The following SKAP2 variants were observed in gnomAD, a reference collection of about 807,000 sequenced individuals.
SKAP2 encodes src kinase-associated phosphoprotein 2.
A neutral mutation model predicts 54.9 loss-of-function variants in SKAP2; 28 were observed. The ratio of observed to expected loss-of-function variants is 0.51; its 90% CI spans 0.38 to 0.70. SKAP2 has a LOEUF of 0.70. Among genes scored for constraint, SKAP2 ranks in the 30% least tolerant of loss-of-function variants. The pLI, the probability that SKAP2 is intolerant of heterozygous loss-of-function variation, is 0.00. For missense variants in SKAP2, 356 were observed against 424.1 expected (o/e 0.84, Z 1.41); for synonymous variants, 137 against 134.3 (o/e 1.02, Z -0.14).
chr7:26,859,541 T>C (rs1785238944), intron 1 of SKAP2, among the ~76,000 whole-genome samples: 1 of 152,186 alleles, frequency 6.6e-6, no homozygotes, highest in Non-Finnish European at 1.5e-5. Flanking sequence ...GCTCTCATGG[T>C]ACAATGGGTA....
chr7:26,723,900 T>A (rs1787637489), intron 9 of SKAP2, among the ~76,000 whole-genome samples: 1 of 152,176 alleles, frequency 6.6e-6, no homozygotes, highest in Non-Finnish European at 1.5e-5. Context: ...TAAACATTTT[T>A]AAATACTAAA....
chr7:26,717,663 T>TA (rs879449927), intron 9 of SKAP2, among the ~76,000 whole-genome samples: 79 of 140,758 alleles, frequency 5.6e-4, no homozygotes, highest in Admixed American at 2.1e-3. Context: ...CTGTCTCTAC[T>TA]AAAAAAAAAA....
At chr7:26,759,164 C>G (rs1477307486) in intron 4 of SKAP2, among the ~76,000 whole-genome samples, 1 of 152,100 alleles carries the variant, frequency 6.6e-6, no homozygotes, top group Non-Finnish European at 1.5e-5. Flanking sequence ...ATACTATAAA[C>G]TTCTAAAATC....
chr7:26,792,410 A>G (rs1783689567), intron 4 of SKAP2, among the ~76,000 whole-genome samples: 1 of 152,202 alleles, frequency 6.6e-6, no homozygotes, highest in Non-Finnish European at 1.5e-5. Context: ...TCTTGAGTAA[A>G]AGAAGTTGAC....
At chr7:26,852,180 G>C (rs1190268337) in intron 3 of SKAP2, among the ~76,000 whole-genome samples, 1 of 152,050 alleles carries the variant, frequency 6.6e-6, no homozygotes, top group Non-Finnish European at 1.5e-5. Context: ...GAAAATGTAA[G>C]GTGGAGAAAA....
chr7:26,794,602 T>C (rs1783733365), intron 4 of SKAP2, among the ~76,000 whole-genome samples: 1 of 152,242 alleles, frequency 6.6e-6, no homozygotes, highest in South Asian at 2.1e-4. Context: ...CCACCATCAC[T>C]GGGCCATGCA....
At chr7:26,728,445 A>C (rs1473533778) in intron 6 of SKAP2, among the ~76,000 whole-genome samples, 1 of 152,170 alleles carries the variant, frequency 6.6e-6, no homozygotes, top group Non-Finnish European at 1.5e-5. Context: ...ATCATTTTTC[A>C]CAGAATATTT....
intron 3 of SKAP2, among the ~76,000 whole-genome samples, chr7:26,847,281 T>C (rs775466677): frequency 6.6e-6 from 1 of 152,118 alleles, no homozygotes; most frequent in Non-Finnish European, 1.5e-5. Context: ...AAAGGACACA[T>C]CATTTTTCAA....
intron 9 of SKAP2, among the ~76,000 whole-genome samples, chr7:26,693,332 C>CAAAAAAAA (rs34775523): frequency 1.3e-5 from 1 of 79,890 alleles, no homozygotes; most frequent in Non-Finnish European, 2.6e-5. Flanking sequence ...AGCTCCATCT[C>CAAAAAAAA]AAAAAAAAAA....
chr7:26,814,683 C>A (rs1333112523), intron 4 of SKAP2, among the ~76,000 whole-genome samples: 2 of 151,622 alleles, frequency 1.3e-5, no homozygotes, highest in African/African-American at 2.4e-5. Context: ...AAGAGAAACA[C>A]TTTTATATGA....
intron 4 of SKAP2, among the ~76,000 whole-genome samples, chr7:26,765,513 T>C (rs972380476): frequency 6.6e-6 from 1 of 152,212 alleles, no homozygotes; most frequent in Non-Finnish European, 1.5e-5. Flanking sequence ...TTGCCATTGC[T>C]TTTGATGTTT....
intron 4 of SKAP2, among the ~76,000 whole-genome samples, chr7:26,759,242 A>G (rs1782870453): frequency 6.6e-6 from 1 of 152,184 alleles, no homozygotes; most frequent in South Asian, 2.1e-4. Flanking sequence ...TGCTATAATC[A>G]ATCTGTCAGT....
At chr7:26,711,302 T>C (rs1341444285) in intron 9 of SKAP2, among the ~76,000 whole-genome samples, 1 of 152,198 alleles carries the variant, frequency 6.6e-6, no homozygotes, top group Non-Finnish European at 1.5e-5. Context: ...TATAGTTAGA[T>C]TTCATATATC....
intron 4 of SKAP2, among the ~76,000 whole-genome samples, chr7:26,786,544 G>A (rs755790503): frequency 5.8e-4 from 88 of 152,226 alleles, no homozygotes; most frequent in Non-Finnish European, 9.8e-4. Context: ...CAAGATGGGG[G>A]AAGGTGGGAG....
chr7:26,813,855 A>G (rs1193377843), intron 4 of SKAP2, among the ~76,000 whole-genome samples: 1 of 152,148 alleles, frequency 6.6e-6, no homozygotes, highest in Non-Finnish European at 1.5e-5. Context: ...TTTCTATGTA[A>G]TTTGCCACAG....
chr7:26,813,126 T>G (rs1784191049), intron 4 of SKAP2, among the ~76,000 whole-genome samples: 1 of 152,144 alleles, frequency 6.6e-6, no homozygotes, highest in Admixed American at 6.5e-5. Context: ...TTTTTAAAAA[T>G]TATTAGTTAA....
intron 10 of SKAP2, among the ~76,000 whole-genome samples, chr7:26,686,165 C>CA (rs199860791): frequency 1.4e-3 from 207 of 150,182 alleles, no homozygotes; most frequent in East Asian, 7.6e-3. Context: ...ATTTTAAAGC[C>CA]AAAAAAAAGA....
intron 6 of SKAP2, among the ~76,000 whole-genome samples, chr7:26,738,501 A>G (rs1392064659): frequency 6.6e-6 from 1 of 152,208 alleles, no homozygotes; most frequent in Non-Finnish European, 1.5e-5. Context: ...CAGAAATTCT[A>G]CAACAGTAGG....
At chr7:26,781,004 C>T (rs1415043292) in intron 4 of SKAP2, among the ~76,000 whole-genome samples, 2 of 152,170 alleles carry the variant, frequency 1.3e-5, no homozygotes, top group African/African-American at 2.4e-5. Context: ...CTATAATATA[C>T]AAATTCCTAT....
Sources: allele counts gnomAD v4.1 joint callset (sites outside exome capture counted in the v4.1 genomes callset), GRCh38; gene constraint gnomAD v4.1.1; transcripts MANE v1.5; gene names NCBI Gene and HGNC (gene_info 2026-07-23, HGNC 2026-07-21).